Variants in PLEKHA6 observed in about 807,000 individuals in gnomAD.
PLEKHA6 encodes the protein pleckstrin homology domain containing A6, also known as pleckstrin homology domain-containing family A member 6.
Under a neutral mutation model 116.7 loss-of-function variants are expected in PLEKHA6, and 60 were observed. That is an observed-to-expected ratio of 0.51 (90% CI 0.42 to 0.64). The LOEUF (loss-of-function observed/expected upper bound fraction) is 0.64, where lower values mean the gene tolerates loss of function less well. Among genes scored for constraint, PLEKHA6 ranks in the 30% least tolerant of loss-of-function variants. PLEKHA6 has a pLI of 0.00. For missense variants in PLEKHA6, 1,338 were observed against 1,422.7 expected, an observed-to-expected ratio of 0.94 and a Z score of 0.96; for synonymous variants, 489 against 556.1, an observed-to-expected ratio of 0.88 and a Z score of 1.70.
Position 204,259,552 on chromosome 1 carries a change from C to G in PLEKHA6, c.713G>C (p.Gly238Ala). The G allele has an allele frequency of 6.2e-7, 1 of 1,614,092 alleles. No homozygotes were observed. Among genetic ancestry groups the G allele is most frequent in the Non-Finnish European group, 8.5e-7 (1 of 1,180,034 alleles). The stretch of plus-strand genomic sequence containing the variant: ...GGCTGGCTCCGGTCCAGCTGGGAGG[C>G]CATTGGCTTTCACCGGAGGCTCTTT... ...VKKEPPVKAN[G>A]LPAGPEPASE... Residue 238 changes from glycine to alanine, a missense_variant, in exon 8 of 23, where the codon GGC becomes GCC. Coordinates refer to ENST00000272203, the MANE Select transcript of PLEKHA6 (RefSeq NM_014935.5). The surrounding 1 kb of genome is among the most constrained non-coding windows in gnomAD (Gnocchi z 4.6).
intron 1 of PLEKHA6, among the ~76,000 whole-genome samples, chr1:204,353,924 T>TA (rs1361878171): frequency 6.6e-6 from 1 of 152,174 alleles, no homozygotes; most frequent in Non-Finnish European, 1.5e-5. Flanking sequence ...CAAGTGAGGT[T>TA]AGCAGGATTG....
rs1267385705 is a variant in PLEKHA6 at position 204,265,143 on chromosome 1, T to C, written c.281-101A>G. On this transcript the variant is annotated intron_variant, in intron 5 of 22. Transcript: ENST00000272203. The stretch of plus-strand genomic sequence containing the variant: ...GTGTGTTGTCCCTCCCTGATAAATA[T>C]CAATACATATTTGTTGTTCACCTCC... The C allele has an allele frequency of 1.6e-5, 13 of 802,788 alleles. No individual in the cohort carries two copies. In the East Asian group the frequency reaches 3.0e-4, roughly 18 times the overall value. The allele number at this position is 802,788 out of a possible 1,614,324, so 49.7% of individuals were successfully genotyped here. A position where few individuals can be genotyped will look rare whatever the true frequency, so the allele number is the denominator to read the frequency against.
chr1:204,364,250 T>C (rs1673611953), upstream of PLEKHA6, among the ~76,000 whole-genome samples: 1 of 152,116 alleles, frequency 6.6e-6, no homozygotes, highest in South Asian at 2.1e-4. Context: ...ACTGTGAAAA[T>C]AGGAACGAAC....
At chr1:204,371,739 C>T (rs1401518957) in intron 1 of PLEKHA6, 1 of 152,228 alleles carries the variant, frequency 6.6e-6, no homozygotes, top group East Asian at 1.9e-4. Flanking sequence ...CAAGGCTGTT[C>T]ATTCATTCAC....
intron 1 of PLEKHA6, among the ~76,000 whole-genome samples, chr1:204,312,909 CCCTT>C (rs773910557): frequency 9.0e-5 from 13 of 143,804 alleles, no homozygotes; most frequent in South Asian, 7.0e-4. Context: ...TCCTTTCCCT[CCCTT>C]CCTTCCTTCC....
upstream of PLEKHA6, among the ~76,000 whole-genome samples, chr1:204,362,474 C>T (rs577603856): frequency 5.3e-5 from 8 of 152,304 alleles, no homozygotes; most frequent in East Asian, 1.5e-3. Context: ...GTGCCATCCC[C>T]ACTCCCTACC....
intron 1 of PLEKHA6, among the ~76,000 whole-genome samples, chr1:204,286,435 G>A (rs1669185301): frequency 6.6e-6 from 1 of 152,128 alleles, no homozygotes; most frequent in Non-Finnish European, 1.5e-5. Context: ...ACAGAGAGGA[G>A]GAAAGGGAAA....
At chr1:204,266,199 G>T (rs1017112912) in intron 5 of PLEKHA6, among the ~76,000 whole-genome samples, 1 of 152,188 alleles carries the variant, frequency 6.6e-6, no homozygotes, top group Non-Finnish European at 1.5e-5. Context: ...GGGTAAACCA[G>T]AGTAGTAGGA....
rs1271527908 is a variant in PLEKHA6 at position 204,228,900 on chromosome 1, A to G, written c.2751+37T>C. On this transcript the variant is annotated intron_variant, in intron 19 of 22. Transcript: ENST00000272203. The surrounding 1 kb of genome is among the most constrained non-coding windows in gnomAD (Gnocchi z 4.0). Reference sequence around the variant, plus strand: ...GGGGTCACCACCTCTGTCCCTTCCCAGAGTCTCCCACTACAGCCCTTCCTG... The same window carrying G: ...GGGGTCACCACCTCTGTCCCTTCCCGGAGTCTCCCACTACAGCCCTTCCTG... 1 of 1,613,920 alleles carries G rather than the reference A, an allele frequency of 6.2e-7. No homozygotes were observed. Among genetic ancestry groups the G allele is most frequent in the African/African-American group, 1.3e-5 (1 of 74,866 alleles).
rs113307325 is a variant in PLEKHA6, at chr1:204,375,200, C to T, written c.83+2383G>A. ...CGCACTCTTCTGGGTCGTTCTACCCCCACACGATGACCCTTTTCCAGCCCA... is the reference window on the plus strand; with the variant it reads ...CGCACTCTTCTGGGTCGTTCTACCCTCACACGATGACCCTTTTCCAGCCCA... On this transcript the variant is annotated intron_variant, in intron 1 of 4. Coordinates refer to the PLEKHA6 transcript ENST00000564627. Among the ~76,000 whole-genome samples, 198 of 152,188 alleles carry T rather than the reference C, an allele frequency of 1.3e-3. 1 individual carries two copies. The highest frequency in any genetic ancestry group is 4.1e-3 in the African/African-American group (172 of 41,500).
In PLEKHA6 at chr1:204,224,371, G is replaced by A. The variant is rs145156926; in HGVS notation, c.3032-786C>T. Among the ~76,000 whole-genome samples, 79 of 151,894 alleles carry A rather than the reference G, an allele frequency of 5.2e-4. No individual in the cohort carries two copies. In the East Asian group the frequency reaches 0.013, roughly 25 times the overall value. ...CCTTATGCATCCTCACTGTAGCCGC[G>A]AGGCAGGAGGATGGCAGAGACAACA... On this transcript the variant is annotated intron_variant, in intron 21 of 22. Coordinates refer to ENST00000272203, the MANE Select transcript of PLEKHA6 (RefSeq NM_014935.5).
upstream of PLEKHA6, among the ~76,000 whole-genome samples, chr1:204,364,033 G>T (rs916019628): frequency 2.0e-5 from 3 of 152,174 alleles, no homozygotes; most frequent in African/African-American, 7.2e-5. Flanking sequence ...CTGAAAGAAA[G>T]AGCTTTTTGA....
chr1:204,329,205 A>C (rs1163499078), intron 1 of PLEKHA6, among the ~76,000 whole-genome samples: 1 of 152,238 alleles, frequency 6.6e-6, no homozygotes, highest in African/African-American at 2.4e-5. Flanking sequence ...GTTATTTGGA[A>C]TGTTTCAGGC....
At chr1:204,365,354 C>T (rs151093393) in intron 3 of PLEKHA6, among the ~76,000 whole-genome samples, 1 of 152,288 alleles carries the variant, frequency 6.6e-6, no homozygotes, top group African/African-American at 2.4e-5. Context: ...TGGAAAGCTT[C>T]TACAATAATG....
At chr1:204,288,355 C>T (rs1261990050) in intron 1 of PLEKHA6, among the ~76,000 whole-genome samples, 1 of 152,248 alleles carries the variant, frequency 6.6e-6, no homozygotes, top group Non-Finnish European at 1.5e-5. Flanking sequence ...ATGCCATCCA[C>T]CTGAGTAATG....
At position 204,287,420 on chromosome 1, in the gene PLEKHA6, G is replaced by T. The variant is rs1391280166; in HGVS notation, c.-94-12611C>A. Among the ~76,000 whole-genome samples the T allele has an allele frequency of 2.0e-5, 3 of 152,064 alleles. No homozygotes were observed. The East Asian group carries it at 5.8e-4, about 29-fold the overall frequency. On this transcript the variant is annotated intron_variant, in intron 1 of 22. Transcript: ENST00000272203. Reference sequence around the variant, plus strand: ...AGCACAAATGTTTTGGAGGTTGAAGGGATGAGGGACCTGAAGGGGAAGTTG... The same window carrying T: ...AGCACAAATGTTTTGGAGGTTGAAGTGATGAGGGACCTGAAGGGGAAGTTG...
chr1:204,324,639 G>A lies in PLEKHA6; in HGVS notation c.-95+35055C>T, dbSNP rs139514485. 5.5e-3 allele frequency among the ~76,000 whole-genome samples: 831 copies of A among 152,320 alleles called. 2 individuals carry two copies. Among genetic ancestry groups the A allele is most frequent in the African/African-American group, 0.019 (782 of 41,568 alleles). ...AATTCAGAAGAAATGAGTGAAAGTG[G>A]AGAGACTATTCCAGAAGTCACAAAA... is the stretch of plus-strand genomic sequence containing the variant. On this transcript the variant is annotated intron_variant, in intron 1 of 22. Transcript: ENST00000272203.
chr1:204,306,377 G>A (rs1022749667), intron 1 of PLEKHA6, among the ~76,000 whole-genome samples: 3 of 151,932 alleles, frequency 2.0e-5, no homozygotes, highest in African/African-American at 2.4e-5. Context: ...CTAGGAAGAC[G>A]GGGCCACATT....
chr1:204,284,731 TC>T (rs775318815), intron 1 of PLEKHA6, among the ~76,000 whole-genome samples: 1 of 152,016 alleles, frequency 6.6e-6, no homozygotes, highest in African/African-American at 2.4e-5. Context: ...GTGTGGATTG[TC>T]CTTAAGGAAA....
Sources: gnomAD v4.1 joint callset for allele counts (sites outside exome capture counted in the v4.1 genomes callset) on GRCh38, gnomAD v4.1.1 for gene constraint, Gnocchi (gnomAD v3.1) non-coding constraint, MANE v1.5 for transcripts, NCBI Gene and HGNC (gene_info 2026-07-23, HGNC 2026-07-21) for gene names.